CTNNA1: variants seen among roughly 807,000 people sequenced by gnomAD.
CTNNA1 encodes catenin alpha-1.
Under a neutral mutation model 98.4 loss-of-function variants are expected in CTNNA1, and 37 were observed. That is an observed-to-expected ratio of 0.38 (90% CI 0.29 to 0.49). CTNNA1 has a LOEUF of 0.49. Ranked by LOEUF, CTNNA1 falls within the 20% of genes least tolerant of loss-of-function variation. CTNNA1 has a pLI of 0.95. For synonymous variants in CTNNA1, 404 were observed against 413.2 expected (o/e 0.98, Z 0.27); for missense variants, 761 against 1,147.2 (o/e 0.66, Z 4.86).
chr5:138,892,769 C>A (rs1755750170), intron 9 of CTNNA1, among the ~76,000 whole-genome samples: 1 of 151,984 alleles, frequency 6.6e-6, no homozygotes, highest in Admixed American at 6.6e-5. Flanking sequence ...GTAATCCCAG[C>A]ACTTTGGGAG....
intron 11 of CTNNA1, among the ~76,000 whole-genome samples, chr5:138,921,948 T>C (rs1185488651): frequency 6.6e-6 from 1 of 151,940 alleles, no homozygotes; most frequent in Non-Finnish European, 1.5e-5. Context: ...CTATATAGTT[T>C]ACATGGCAAG....
At chr5:138,851,180 G>C (rs892954811) in intron 7 of CTNNA1, among the ~76,000 whole-genome samples, 2 of 152,242 alleles carry the variant, frequency 1.3e-5, no homozygotes, top group Middle Eastern at 3.4e-3. Context: ...TGGATGACAG[G>C]GGGCAGAGAA....
At chr5:138,823,818 G>A (rs902171953) in intron 5 of CTNNA1, among the ~76,000 whole-genome samples, 3 of 150,126 alleles carry the variant, frequency 2.0e-5, no homozygotes, top group East Asian at 1.9e-4. Flanking sequence ...TTAGCCGGGC[G>A]TAGTGGCGGG....
Position 138,924,513 on chromosome 5 carries a change from A to C in CTNNA1, c.1550A>C (p.Asn517Thr). 6.2e-7 allele frequency: 1 copy of C among 1,614,136 alleles called. No homozygotes were observed. The highest frequency in any genetic ancestry group is 8.5e-7 in the Non-Finnish European group (1 of 1,180,022). ...SIDDFLAVSENHILEDVNKCV... is the reference protein window; with the variant it reads ...SIDDFLAVSETHILEDVNKCV... ...CAACTTTTTGCTTGTTCTCCAGAGA[A>C]TCACATTTTGGAAGATGTGAACAAA... Residue 517 changes from asparagine (N) to threonine (T), a missense_variant, in exon 12 of 18, where the codon AAT (asparagine) becomes ACT (threonine). Physicochemically the swap from Asn to Thr is moderately conservative, Grantham distance 65. Transcript: ENST00000302763.
intron 10 of CTNNA1, among the ~76,000 whole-genome samples, chr5:138,906,566 G>A (rs755519209): frequency 5.3e-5 from 8 of 152,238 alleles, no homozygotes; most frequent in Admixed American, 1.3e-4. Flanking sequence ...AAAATCACAC[G>A]GAGAGTCTAG....
chr5:138,865,722 A>AT (rs1764689610), intron 7 of CTNNA1, among the ~76,000 whole-genome samples: 1 of 152,196 alleles, frequency 6.6e-6, no homozygotes, highest in South Asian at 2.1e-4. Context: ...TTGTATTATA[A>AT]TTTTAAGACG....
chr5:138,873,731 G>A lies in CTNNA1; in HGVS notation c.1063-12481G>A. 3 of 1,613,970 alleles carry A rather than the reference G, an allele frequency of 1.9e-6. No homozygotes were observed. The highest frequency in any genetic ancestry group is 2.5e-6 in the Non-Finnish European group (3 of 1,179,882). On this transcript the variant is annotated intron_variant, in intron 7 of 17. Coordinates refer to ENST00000302763, the MANE Select transcript of CTNNA1 (RefSeq NM_001903.5). The surrounding 1 kb of genome is among the most constrained non-coding windows in gnomAD (Gnocchi z 6.1). ...ATCCATGAGGAGTATTTTAAGATTG[G>A]GCATCGTTTCAAACACTGTCAAGTC...
chr5:138,908,746 T>A (rs1759858541), intron 10 of CTNNA1, among the ~76,000 whole-genome samples: 3 of 152,166 alleles, frequency 2.0e-5, no homozygotes, highest in Middle Eastern at 6.8e-3. Flanking sequence ...GAACCCACAT[T>A]TTTTGGCGAT....
chr5:138,930,334 G>C, intron 14 of CTNNA1, 139 bp from the exon 15 acceptor site: 1 of 643,832 alleles, frequency 1.6e-6, no homozygotes, highest in Non-Finnish European at 2.7e-6. Context: ...GAGAGAAATA[G>C]CCCTTCAGGC....
rs1435827031 is a variant in CTNNA1, at chr5:138,781,736, C to A, written c.-2-187C>A. Among the ~76,000 whole-genome samples the A allele has an allele frequency of 2.6e-5, 4 of 152,200 alleles. No individual in the cohort carries two copies. In the East Asian group the frequency reaches 7.7e-4, roughly 29 times the overall value. On this transcript the variant is annotated intron_variant, in intron 1 of 17. Coordinates refer to ENST00000302763, the MANE Select transcript of CTNNA1 (RefSeq NM_001903.5). ...TGTAGTACCCCTCCTATTTGTAAGC[C>A]TGAAATCATTAAATATTAAGAGGTT...
intron 13 of CTNNA1, among the ~76,000 whole-genome samples, chr5:138,927,015 T>C (rs994174244): frequency 6.6e-6 from 1 of 152,162 alleles, no homozygotes; most frequent in Non-Finnish European, 1.5e-5. Context: ...ATACCTCACA[T>C]CTGCTTTATC....
In CTNNA1 at chr5:138,758,938, G is replaced by C. The variant is rs931262148; in HGVS notation, c.-3+5428G>C. Reference sequence around the variant, plus strand: ...CCTGCCTCAGCCTCTTGAGTAGCTGGGATTACAGGCATGCGCCACCACACC... The same window carrying C: ...CCTGCCTCAGCCTCTTGAGTAGCTGCGATTACAGGCATGCGCCACCACACC... On this transcript the variant is annotated intron_variant, in intron 1 of 17. Transcript: ENST00000302763. 6.6e-5 allele frequency among the ~76,000 whole-genome samples: 10 copies of C among 152,038 alleles called. 1 individual carries two copies. The highest frequency in any genetic ancestry group is 3.9e-4 in the Admixed American group (6 of 15,246).
chr5:138,873,732 G>T lies in CTNNA1; in HGVS notation c.1063-12480G>T. 1 of 1,613,998 alleles carries T rather than the reference G, an allele frequency of 6.2e-7. No individual in the cohort carries two copies. Among genetic ancestry groups the T allele is most frequent in the Non-Finnish European group, 8.5e-7 (1 of 1,179,900 alleles). On this transcript the variant is annotated intron_variant, in intron 7 of 17. Coordinates refer to ENST00000302763, the MANE Select transcript of CTNNA1 (RefSeq NM_001903.5). This position sits in a 1 kb window ranked among gnomAD's most constrained non-coding sequence, Gnocchi z 6.1. ...TCCATGAGGAGTATTTTAAGATTGG[G>T]CATCGTTTCAAACACTGTCAAGTCG...
At chr5:138,928,346 C>A (rs1764570089) in intron 13 of CTNNA1, among the ~76,000 whole-genome samples, 1 of 152,174 alleles carries the variant, frequency 6.6e-6, no homozygotes, top group Non-Finnish European at 1.5e-5. Context: ...AGTAATCAGT[C>A]CCTTGGGTAT....
At chr5:138,780,501 ATTTT>A (rs1754954788) in intron 1 of CTNNA1, among the ~76,000 whole-genome samples, 1 of 148,750 alleles carries the variant, frequency 6.7e-6, no homozygotes, top group Admixed American at 6.7e-5. Context: ...CCAAGATTTT[ATTTT>A]TTTAATTTTT....
chr5:138,808,296 T>G (rs1243428309), intron 3 of CTNNA1, among the ~76,000 whole-genome samples: 1 of 152,200 alleles, frequency 6.6e-6, no homozygotes, highest in Non-Finnish European at 1.5e-5. Context: ...CAGTAGGGTA[T>G]GCCCTTGATG....
At chr5:138,822,127 C>T (rs1760108217) in intron 5 of CTNNA1, among the ~76,000 whole-genome samples, 1 of 152,130 alleles carries the variant, frequency 6.6e-6, no homozygotes, top group African/African-American at 2.4e-5. Context: ...CAGAGATACA[C>T]TGTGATAAGG....
rs550104305 is a variant in CTNNA1 at position 138,848,399 on chromosome 5, G to T, written c.1062+20681G>T. ...TCACACTTTAAGTCCTCTTTTTTTT[G>T]TTTGTTTGTTTTTTTAGCTCTTCTG... On this transcript the variant is annotated intron_variant, in intron 7 of 17. Coordinates refer to ENST00000302763, the MANE Select transcript of CTNNA1 (RefSeq NM_001903.5). Among the ~76,000 whole-genome samples, 697 of 151,736 alleles carry T rather than the reference G, an allele frequency of 4.6e-3. 10 individuals are homozygous for T. Among genetic ancestry groups the T allele is most frequent in the Middle Eastern group, 0.01 (3 of 294 alleles).
At chr5:138,833,990 T>A (rs551365337) in intron 7 of CTNNA1, among the ~76,000 whole-genome samples, 1 of 152,220 alleles carries the variant, frequency 6.6e-6, no homozygotes, top group Non-Finnish European at 1.5e-5. Flanking sequence ...GTATAAAATT[T>A]TAATTCGATT....
Sources: gnomAD v4.1 joint callset for allele counts (sites outside exome capture counted in the v4.1 genomes callset) on GRCh38, gnomAD v4.1.1 for gene constraint, Gnocchi (gnomAD v3.1) non-coding constraint, MANE v1.5 for transcripts, NCBI Gene and HGNC (gene_info 2026-07-23, HGNC 2026-07-21) for gene names.